The following BMPR1B variants were observed in gnomAD, a reference collection of about 807,000 sequenced individuals.
BMPR1B encodes the protein bone morphogenetic protein receptor type 1B.
BMPR1B carries 12 observed loss-of-function variants against 59.1 expected under a neutral mutation model. The observed-to-expected ratio is 0.20, with a 90% CI of 0.13 to 0.33. The LOEUF (loss-of-function observed/expected upper bound fraction) is 0.33, where lower values mean the gene tolerates loss of function less well. BMPR1B is among the 10% of genes least tolerant of loss of function. The pLI is 1.00. For missense variants in BMPR1B, 550 were observed against 610.9 expected, an observed-to-expected ratio of 0.90 and a Z score of 1.05; for synonymous variants, 237 against 207.3, an observed-to-expected ratio of 1.14 and a Z score of -1.23.
At chr4:94,986,194 G>A (rs1023469657) in intron 2 of BMPR1B, among the ~76,000 whole-genome samples, 5 of 151,758 alleles carry the variant, frequency 3.3e-5, no homozygotes, top group Non-Finnish European at 5.9e-5. Context: ...ACATTATTTC[G>A]TCTCTTTATT....
intron 11 of BMPR1B, among the ~76,000 whole-genome samples, chr4:95,151,030 T>C (rs912188369): frequency 6.6e-6 from 1 of 152,246 alleles, no homozygotes; most frequent in Non-Finnish European, 1.5e-5. Flanking sequence ...TCTAACACTT[T>C]ATGAAGATAT....
At chr4:95,094,093 T>G (rs776726908) in intron 3 of BMPR1B, among the ~76,000 whole-genome samples, 4 of 152,094 alleles carry the variant, frequency 2.6e-5, no homozygotes, top group African/African-American at 9.7e-5. Flanking sequence ...TTGATTTGTC[T>G]CACAGTGTTC....
chr4:95,011,535 GAAAGAA>G (rs1723229325), intron 3 of BMPR1B, among the ~76,000 whole-genome samples: 1 of 152,134 alleles, frequency 6.6e-6, no homozygotes, highest in African/African-American at 2.4e-5. Context: ...TAGGCAGCAG[GAAAGAA>G]GTGGATGTGA....
At chr4:95,031,845 T>C (rs545065938) in intron 3 of BMPR1B, among the ~76,000 whole-genome samples, 1 of 152,206 alleles carries the variant, frequency 6.6e-6, no homozygotes, top group South Asian at 2.1e-4. Flanking sequence ...GAGGATTGCT[T>C]GAGCCCAGGA....
intron 1 of BMPR1B, among the ~76,000 whole-genome samples, chr4:94,830,234 G>C (rs1724528298): frequency 6.6e-6 from 1 of 152,040 alleles, no homozygotes; most frequent in Non-Finnish European, 1.5e-5. Context: ...AAAAACATTA[G>C]AAATGTTAAT....
At chr4:95,000,237 C>T (rs1384115454) in intron 3 of BMPR1B, among the ~76,000 whole-genome samples, 1 of 26,246 alleles carries the variant, frequency 3.8e-5, no homozygotes, top group Non-Finnish European at 8.3e-5. Context: ...GTTTGTTTAA[C>T]CTTGAATTGT....
At chr4:94,936,411 A>G (rs1257075691) in intron 2 of BMPR1B, among the ~76,000 whole-genome samples, 1 of 152,162 alleles carries the variant, frequency 6.6e-6, no homozygotes, top group Non-Finnish European at 1.5e-5. Context: ...CTGCTTTCAA[A>G]TGAATTTTTG....
intron 3 of BMPR1B, among the ~76,000 whole-genome samples, chr4:95,002,514 A>G (rs1183649539): frequency 6.6e-6 from 1 of 152,224 alleles, no homozygotes; most frequent in African/African-American, 2.4e-5. Flanking sequence ...CACTGGGTCG[A>G]ATGGTAGTTC....
At chr4:94,981,233 A>T (rs13145631) in intron 2 of BMPR1B, among the ~76,000 whole-genome samples, 144,776 of 151,714 alleles carry the variant, frequency 0.95, 69,112 homozygotes, top group Middle Eastern at 0.99. Flanking sequence ...AGATGAGGGT[A>T]TGCTCTATTG....
intron 2 of BMPR1B, among the ~76,000 whole-genome samples, chr4:94,908,593 T>C (rs1418029330): frequency 2.6e-5 from 4 of 152,022 alleles, no homozygotes. Flanking sequence ...GTACCATCTT[T>C]ATATTAATGA....
chr4:94,871,128 A>C (rs1726471479), intron 1 of BMPR1B, among the ~76,000 whole-genome samples: 1 of 152,210 alleles, frequency 6.6e-6, no homozygotes, highest in African/African-American at 2.4e-5. Flanking sequence ...AGAGAAGTTA[A>C]GCAGCTTGCC....
intron 2 of BMPR1B, among the ~76,000 whole-genome samples, chr4:94,896,696 A>AT (rs1560536665): frequency 1.3e-5 from 2 of 151,972 alleles, no homozygotes; most frequent in African/African-American, 2.4e-5. Context: ...TGCAGGAGTT[A>AT]TTTTTTCATT....
In BMPR1B at chr4:95,035,504, C is replaced by A. The variant is rs560730041; in HGVS notation, c.-18+39370C>A. Among the ~76,000 whole-genome samples, 9 of 152,208 alleles carry A rather than the reference C, an allele frequency of 5.9e-5. No individual in the cohort carries two copies. In the South Asian group the frequency reaches 1.9e-3, roughly 32 times the overall value. On this transcript the variant is annotated intron_variant, in intron 3 of 12. Coordinates refer to ENST00000515059, the MANE Select transcript of BMPR1B (RefSeq NM_001203.3). The stretch of plus-strand genomic sequence containing the variant: ...CTTCATTCTTCTACATGTGGTTTGC[C>A]AATTATCTCAGCACCATTTGTTGCA...
At chr4:94,942,201 A>G (rs901357758) in intron 2 of BMPR1B, among the ~76,000 whole-genome samples, 1 of 152,194 alleles carries the variant, frequency 6.6e-6, no homozygotes, top group Non-Finnish European at 1.5e-5. Context: ...AGTCAGAATA[A>G]TTTTATTTGC....
At chr4:94,804,406 A>G (rs760135998) in intron 1 of BMPR1B, among the ~76,000 whole-genome samples, 22 of 152,226 alleles carry the variant, frequency 1.4e-4, no homozygotes, top group Admixed American at 7.8e-4. Flanking sequence ...GATCTGTTAA[A>G]TCTTGACTGT....
At chr4:94,781,651 C>G (rs1401496057) in intron 1 of BMPR1B, among the ~76,000 whole-genome samples, 1 of 152,182 alleles carries the variant, frequency 6.6e-6, no homozygotes, top group Non-Finnish European at 1.5e-5. Flanking sequence ...GCCTCGTGAT[C>G]CACCCACCTC....
At chr4:94,847,885 G>A (rs904456494) in intron 1 of BMPR1B, among the ~76,000 whole-genome samples, 10 of 152,180 alleles carry the variant, frequency 6.6e-5, no homozygotes, top group Admixed American at 1.3e-4. Context: ...GCAGCCAACA[G>A]TAATTTATTG....
chr4:94,789,732 A>G (rs1722903858), intron 1 of BMPR1B, among the ~76,000 whole-genome samples: 1 of 152,228 alleles, frequency 6.6e-6, no homozygotes, highest in African/African-American at 2.4e-5. Context: ...CCAACAATGC[A>G]AAAACCACAA....
At chr4:94,859,399 ACCCTTC>A (rs1263345834) in intron 1 of BMPR1B, among the ~76,000 whole-genome samples, 1 of 152,130 alleles carries the variant, frequency 6.6e-6, no homozygotes, top group East Asian at 1.9e-4. Flanking sequence ...AGCACGCAAT[ACCCTTC>A]CCACGAGGGA....
Sources: gnomAD v4.1 joint callset for allele counts (sites outside exome capture counted in the v4.1 genomes callset) on GRCh38, gnomAD v4.1.1 for gene constraint, MANE v1.5 for transcripts, NCBI Gene and HGNC (gene_info 2026-07-23, HGNC 2026-07-21) for gene names.